The following RNF114 variants were observed in gnomAD, a reference collection of about 807,000 sequenced individuals.
RNF114 encodes E3 ubiquitin-protein ligase RNF114.
RNF114 carries 6 observed loss-of-function variants against 28.4 expected under a neutral mutation model. The observed-to-expected ratio is 0.21, with a 90% CI of 0.12 to 0.42. The LOEUF is 0.42. Ranked by LOEUF, RNF114 falls within the 10% of genes least tolerant of loss-of-function variation. The pLI is 1.00. For missense variants in RNF114, 249 were observed against 311.7 expected, an observed-to-expected ratio of 0.80 and a Z score of 1.51; for synonymous variants, 115 against 116.7, an observed-to-expected ratio of 0.99 and a Z score of 0.09.
At chr20:49,949,981 G>T in intron 5 of RNF114, among the ~76,000 whole-genome samples, 1 of 149,704 alleles carries the variant, frequency 6.7e-6, no homozygotes, top group Admixed American at 6.6e-5. Context: ...GCTGGGCGCA[G>T]TGGCTCACAC....
intron 1 of RNF114, chr20:49,941,322 T>G (rs1305023884): frequency 1.4e-5 from 6 of 436,306 alleles, no homozygotes; most frequent in Non-Finnish European, 2.4e-5. Flanking sequence ...GCCTCAACCT[T>G]AACACCTTCA....
rs754113394 is a variant in RNF114, at chr20:49,945,479, T to C, written c.389T>C (p.Leu130Pro). The C allele has an allele frequency of 2.5e-6, 4 of 1,596,560 alleles. No homozygotes were observed. In the Admixed American group the frequency reaches 6.7e-5, roughly 27 times the overall value. ...GVKATIKDASLQPRNVPNRYT... is the reference protein window; with the variant it reads ...GVKATIKDASPQPRNVPNRYT... ...AAGGCCACCATTAAGGATGCATCTCTTCAGCCAAGGTAAATGACTCAGTCT... is the reference window on the plus strand; with the variant it reads ...AAGGCCACCATTAAGGATGCATCTCCTCAGCCAAGGTAAATGACTCAGTCT... Residue 130 changes from leucine (L) to proline (P), a missense_variant, in exon 3 of 6, where the codon CTT becomes CCT. By Grantham distance (98) the Leu-to-Pro change is moderately conservative. This residue lies in a region of RNF114 where 126 missense variants were observed against 205.3 expected (regional missense o/e 0.61). Transcript: ENST00000244061.
intron 1 of RNF114, among the ~76,000 whole-genome samples, chr20:49,939,170 T>C (rs1292318159): frequency 2.0e-5 from 3 of 152,248 alleles, no homozygotes; most frequent in Non-Finnish European, 4.4e-5. Flanking sequence ...CCAGCTGGTC[T>C]GTTTGCCATA....
intron 3 of RNF114, among the ~76,000 whole-genome samples, chr20:49,945,753 C>T (rs2090327999): frequency 1.3e-5 from 2 of 152,168 alleles, no homozygotes; most frequent in African/African-American, 4.8e-5. Context: ...GCAACCTCTG[C>T]CTCCCGGGTT....
At chr20:49,940,574 C>A (rs906465061) in intron 1 of RNF114, among the ~76,000 whole-genome samples, 8 of 152,080 alleles carry the variant, frequency 5.3e-5, no homozygotes, top group African/African-American at 1.9e-4. Context: ...GCCACCACTC[C>A]CAGCTAATTT....
chr20:49,944,421 T>C (rs2090320648), intron 2 of RNF114: 1 of 152,226 alleles, frequency 6.6e-6, no homozygotes, highest in Non-Finnish European at 1.5e-5. Context: ...TTTTCAAGAT[T>C]AGTGATTGTA....
At chr20:49,948,726 T>C (rs551455898) in intron 4 of RNF114, among the ~76,000 whole-genome samples, 4 of 152,322 alleles carry the variant, frequency 2.6e-5, no homozygotes, top group African/African-American at 9.6e-5. Context: ...TGTGAGCCAC[T>C]GTGCCCGGCC....
intron 5 of RNF114, among the ~76,000 whole-genome samples, chr20:49,949,589 G>A (rs2090347836): frequency 6.6e-6 from 1 of 152,194 alleles, no homozygotes; most frequent in South Asian, 2.1e-4. Flanking sequence ...CTTCCAGTCT[G>A]TATACTGTAG....
In RNF114 at chr20:49,953,571, T is replaced by A. The variant is rs2090364719; in HGVS notation, c.*1430T>A. Reference sequence around the variant, plus strand: ...AAACACAGGGCCCACTGGAAAAAAATAGTTTTTTCATTAGTATTTCTCGGG... The same window carrying A: ...AAACACAGGGCCCACTGGAAAAAAAAAGTTTTTTCATTAGTATTTCTCGGG... On this transcript the variant is annotated 3_prime_UTR_variant, in exon 6 of 6. Coordinates refer to ENST00000244061, the MANE Select transcript of RNF114 (RefSeq NM_018683.4). The A allele has an allele frequency of 1.3e-5, 2 of 152,012 alleles. No individual in the cohort carries two copies. The highest frequency in any genetic ancestry group is 1.3e-4 in the Admixed American group (2 of 15,246). 9.4% of individuals were successfully genotyped at this position (152,012 alleles called of 1,614,324 possible). A position where few individuals can be genotyped will look rare whatever the true frequency, so the allele number is the denominator to read the frequency against.
At chr20:49,937,177 G>A (rs1313024228) in intron 1 of RNF114, among the ~76,000 whole-genome samples, 1 of 152,188 alleles carries the variant, frequency 6.6e-6, no homozygotes, top group Non-Finnish European at 1.5e-5. Context: ...TGTGAATAGA[G>A]TGGTTATAAT....
Position 49,953,315 on chromosome 20 carries a change from C to A in RNF114, c.*1174C>A, listed in dbSNP as rs938734278. On this transcript the variant is annotated 3_prime_UTR_variant, in exon 6 of 6. Coordinates refer to ENST00000244061, the MANE Select transcript of RNF114 (RefSeq NM_018683.4). ...CTGGAAACTTGCTTTAGGAACAGCT[C>A]AAGAACCTTGGAGTTCATATTTCAC... 2 of 152,094 alleles carry A rather than the reference C, an allele frequency of 1.3e-5. No individual in the cohort carries two copies. Among genetic ancestry groups the A allele is most frequent in the African/African-American group, 4.8e-5 (2 of 41,414 alleles). The allele number at this position is 152,094 out of a possible 1,614,324, so 9.4% of individuals were successfully genotyped here.
At chr20:49,945,867 T>C (rs547752143) in intron 3 of RNF114, among the ~76,000 whole-genome samples, 5 of 152,290 alleles carry the variant, frequency 3.3e-5, no homozygotes, top group Admixed American at 2.6e-4. Flanking sequence ...GGGTTTGTCA[T>C]GTTGGTCAGG....
chr20:49,943,822 C>CTA (rs371282346), intron 2 of RNF114: 210 of 118,328 alleles, frequency 1.8e-3, no homozygotes, highest in African/African-American at 5.2e-3. Context: ...CCACGCCCAG[C>CTA]TATATATATA....
rs1234112847 is a variant in RNF114 at position 49,936,450 on chromosome 20, A to C, written c.38A>C (p.Gln13Pro). The change falls in exon 1 of 6, where the codon CAG (glutamine) becomes CCG (proline). Residue 13 changes from glutamine (Q) to proline (P), a missense_variant. Gln to Pro is a moderately conservative substitution (Grantham distance 76). Around this residue, in one of 2 missense-constraint regions of RNF114, gnomAD observed 123 missense variants for 106.4 expected, o/e 1.16. Coordinates refer to ENST00000244061, the MANE Select transcript of RNF114 (RefSeq NM_018683.4). ...AQQRDCGGAA[Q>P]LAGPAAEADP... ...CAGCGGGACTGCGGGGGTGCTGCGC[A>C]GCTGGCGGGGCCGGCGGCGGAGGCT... 3 of 1,549,254 alleles carry C rather than the reference A, an allele frequency of 1.9e-6. No homozygotes were observed. Among genetic ancestry groups the C allele is most frequent in the South Asian group, 1.2e-5 (1 of 83,782 alleles).
chr20:49,945,544 A>AAGTT, intron 3 of RNF114, 56 bp downstream of exon 3: 33 of 893,636 alleles, frequency 3.7e-5, no homozygotes, highest in Non-Finnish European at 5.4e-5. Context: ...TAATACAAAG[A>AAGTT]GGTTGCATGC....
intron 1 of RNF114, among the ~76,000 whole-genome samples, chr20:49,936,854 C>T: frequency 6.6e-6 from 1 of 152,338 alleles, no homozygotes; most frequent in East Asian, 1.9e-4. Context: ...GACTCGTGCC[C>T]TGCGGGGACT....
chr20:49,940,008 T>G (rs1158367302), intron 1 of RNF114, among the ~76,000 whole-genome samples: 1 of 139,854 alleles, frequency 7.2e-6, no homozygotes, highest in African/African-American at 2.6e-5. Flanking sequence ...GAGCCGAGAT[T>G]GCACCATTGC....
chr20:49,937,626 C>G (rs970329863), intron 1 of RNF114, among the ~76,000 whole-genome samples: 10 of 152,208 alleles, frequency 6.6e-5, no homozygotes, highest in African/African-American at 2.4e-4. Context: ...ACCTAGCTGG[C>G]TGCTTTTTGC....
intron 1 of RNF114, 142 bp from the exon 2 acceptor site, chr20:49,941,416 TGGA>T: frequency 1.2e-6 from 1 of 854,268 alleles, no homozygotes; most frequent in Non-Finnish European, 1.8e-6. Flanking sequence ...TTTTCTGGCT[TGGA>T]AGGACTTAGT....
Sources: gnomAD v4.1 joint callset for allele counts (sites outside exome capture counted in the v4.1 genomes callset) on GRCh38, gnomAD v4.1.1 for gene constraint, gnomAD v4.1.1 regional missense constraint, MANE v1.5 for transcripts, NCBI Gene and HGNC (gene_info 2026-07-23, HGNC 2026-07-21) for gene names.